Variants in PLA2G2E observed in about 807,000 individuals in gnomAD.
PLA2G2E encodes group IIE secretory phospholipase A2.
Under a neutral mutation model 16.5 loss-of-function variants are expected in PLA2G2E, and 14 were observed. That is an observed-to-expected ratio of 0.85 (90% confidence interval 0.56 to 1.33). The LOEUF is 1.33. Among genes scored for constraint, PLA2G2E ranks in the 40% most tolerant of loss-of-function variants. The probability of loss-of-function intolerance (pLI) is 0.00; values close to 1 mark genes in which losing one functional copy is unlikely to be tolerated. For missense variants in PLA2G2E, 174 were observed against 190.7 expected (o/e 0.91, Z 0.52); for synonymous variants, 72 against 77.2 (o/e 0.93, Z 0.36).
At position 19,920,618 on chromosome 1, in the gene PLA2G2E, G is replaced by C. The variant is rs2045807208; in HGVS notation, c.287-169C>G. Among the ~76,000 whole-genome samples, 1 of 152,148 alleles carries C rather than the reference G, an allele frequency of 6.6e-6. No individual in the cohort carries two copies. Among genetic ancestry groups the C allele is most frequent in the Admixed American group, 6.5e-5 (1 of 15,280 alleles). The stretch of plus-strand genomic sequence containing the variant: ...GTGAGACAAGAGACAAGGGCGGGGC[G>C]CACTGTGGCTCAGGACACCAGGGAA... On this transcript the variant is annotated intron_variant, in intron 3 of 3. Coordinates refer to ENST00000375116, the MANE Select transcript of PLA2G2E (RefSeq NM_014589.3). The surrounding 1 kb of genome is among the most constrained non-coding windows in gnomAD (Gnocchi z 4.3).
At position 19,922,525 on chromosome 1, in the gene PLA2G2E, GC is replaced by G. The variant is rs1473326978; in HGVS notation, c.179+91del. The G allele has an allele frequency of 2.6e-6, 4 of 1,557,600 alleles. No homozygotes were observed. In the African/African-American group the frequency reaches 4.1e-5, roughly 16 times the overall value. On this transcript the variant is annotated intron_variant, in intron 2 of 3. Coordinates refer to ENST00000375116, the MANE Select transcript of PLA2G2E (RefSeq NM_014589.3). Reference sequence around the variant, plus strand: ...AGAGATCAGCCTGAATTTTCCAGGTGCCCCCAGGCTTCCCTCCTTCTCCCAG... The same window carrying G: ...AGAGATCAGCCTGAATTTTCCAGGTGCCCCAGGCTTCCCTCCTTCTCCCAG...
rs777936322 is a variant in PLA2G2E, at chr1:19,920,327, C to T, written c.409G>A (p.Gly137Arg). The change falls in exon 4 of 4, where the codon GGG becomes AGG. Residue 137 changes from glycine (G) to arginine (R), a missense_variant. By Grantham distance (125) the Gly-to-Arg change is moderately radical. Coordinates refer to ENST00000375116, the MANE Select transcript of PLA2G2E (RefSeq NM_014589.3). This position sits in a 1 kb window ranked among gnomAD's most constrained non-coding sequence, Gnocchi z 4.3. ...TAGCCTCAGCAGGGCGGGGTGGGCCCGGTGCACAGCTTGTTGGGATAATGG... is the reference window on the plus strand; with the variant it reads ...TAGCCTCAGCAGGGCGGGGTGGGCCTGGTGCACAGCTTGTTGGGATAATGG... ...YAHYPNKLCT[G>R]PTPPC The T allele has an allele frequency of 2.5e-6, 4 of 1,612,582 alleles. No homozygotes were observed. The highest frequency in any genetic ancestry group is 2.7e-5 in the African/African-American group (2 of 74,878).
intron 3 of PLA2G2E, 125 bp downstream of exon 3, chr1:19,922,173 G>A: frequency 1.5e-6 from 1 of 657,912 alleles, no homozygotes; most frequent in South Asian, 1.9e-5. Flanking sequence ...GAAACCCCAT[G>A]CCTCCAGCCC....
rs182540805 is a variant in PLA2G2E, at chr1:19,920,014, G to A, written c.*293C>T. Reference sequence around the variant, plus strand: ...AGACTCAAAGAACATTAGAATTATGGGAAAACATTATTCACTTATTCAGAA... The same window carrying A: ...AGACTCAAAGAACATTAGAATTATGAGAAAACATTATTCACTTATTCAGAA... On this transcript the variant is annotated 3_prime_UTR_variant, in exon 4 of 4. Coordinates refer to ENST00000375116, the MANE Select transcript of PLA2G2E (RefSeq NM_014589.3). The surrounding 1 kb of genome is among the most constrained non-coding windows in gnomAD (Gnocchi z 4.3). 1.3e-5 allele frequency: 4 copies of A among 307,120 alleles called. No individual in the cohort carries two copies. The East Asian group carries it at 2.4e-4, about 19-fold the overall frequency. 19.0% of individuals were successfully genotyped at this position (307,120 alleles called of 1,614,324 possible).
At chr1:19,922,055 C>T (rs955492282) in intron 3 of PLA2G2E, among the ~76,000 whole-genome samples, 3 of 152,178 alleles carry the variant, frequency 2.0e-5, no homozygotes, top group Admixed American at 6.5e-5. Context: ...TGGGAGGTGT[C>T]TGTGGGTAGG....
At chr1:19,922,197 G>C (rs2045821588) in intron 3 of PLA2G2E, 101 bp downstream of exon 3, 3 of 780,120 alleles carry the variant, frequency 3.8e-6, no homozygotes, top group Non-Finnish European at 6.4e-6. Context: ...GTCTGGCTCT[G>C]ATAAGGCCCA....
rs752919581 is a variant in PLA2G2E at position 19,922,658 on chromosome 1, G to A, written c.138C>T (p.Cys46=). 1.5e-5 allele frequency: 24 copies of A among 1,614,028 alleles called. No individual in the cohort carries two copies. Among genetic ancestry groups the A allele is most frequent in the Middle Eastern group, 3.3e-4 (2 of 6,060 alleles). Residue 46 remains cysteine (C), a synonymous_variant, in exon 2 of 4, where the codon TGC becomes TGT. Transcript: ENST00000375116. ...CCGGCCAGTGGGAGCCACCGATGCC[G>A]CAGTAACAGCCATAGTCGTTGTACT... is the stretch of plus-strand genomic sequence containing the variant. The part of the protein sequence containing the change: ...ALQYNDYGCY[C]GIGGSHWPVD...
chr1:19,922,785 G>T (rs1557688774), intron 1 of PLA2G2E, 30 bp from the exon 2 acceptor site: 1 of 1,611,508 alleles, frequency 6.2e-7, no homozygotes, highest in East Asian at 2.2e-5. Flanking sequence ...GAGGGAGAGG[G>T]AGGGCCCCAC....
At position 19,920,317 on chromosome 1, in the gene PLA2G2E, G is replaced by T. The variant is rs141984318; in HGVS notation, c.419C>A (p.Pro140Gln). The change falls in exon 4 of 4, where the codon CCG becomes CAG. Residue 140 changes from proline (P) to glutamine (Q), a missense_variant. Pro to Gln is a moderately conservative substitution (Grantham distance 76). Transcript: ENST00000375116. This position sits in a 1 kb window ranked among gnomAD's most constrained non-coding sequence, Gnocchi z 4.3. ...YPNKLCTGPT[P>Q]PC ...AGGCCGAGCATAGCCTCAGCAGGGC[G>T]GGGTGGGCCCGGTGCACAGCTTGTT... 5.0e-6 allele frequency: 8 copies of T among 1,612,188 alleles called. No individual in the cohort carries two copies. The highest frequency in any genetic ancestry group is 5.9e-6 in the Non-Finnish European group (7 of 1,179,530).
chr1:19,922,326 GAA>G lies in PLA2G2E; in HGVS notation c.256_257del (p.Phe86LeufsTer23), dbSNP rs2045822720. On this transcript the variant is annotated frameshift_variant, in exon 3 of 4. Coordinates refer to ENST00000375116, the MANE Select transcript of PLA2G2E (RefSeq NM_014589.3). LOFTEE classifies it high-confidence loss of function. The stretch of plus-strand genomic sequence containing the variant: ...AGAAAATGCCACGTTCGCTGACAGA[GAA>G]AAGATACTTTTCCAGTTTGGGCTCA... The part of the protein sequence containing the change: ...GCEPKLEKYL[F>X]SVSERGIFCA... 6.2e-7 allele frequency: 1 copy of G among 1,613,932 alleles called. No homozygotes were observed. The highest frequency in any genetic ancestry group is 8.5e-7 in the Non-Finnish European group (1 of 1,179,908).
Position 19,920,386 on chromosome 1 carries a change from C to T in PLA2G2E, c.350G>A (p.Arg117His). 1.2e-6 allele frequency: 2 copies of T among 1,613,868 alleles called. No individual in the cohort carries two copies. Reference protein sequence around the residue: ...ECDKRAALCFRRNLGTYNRKY... With the variant: ...ECDKRAALCFHRNLGTYNRKY... ...GCGGTTGTAGGTGCCCAGGTTGCGG[C>T]GAAAGCAGAGGGCAGCCCTCTTGTC... Residue 117 changes from arginine to histidine, a missense_variant, in exon 4 of 4, where the codon CGC becomes CAC. By Grantham distance (29) the Arg-to-His change is conservative. Transcript: ENST00000375116. The surrounding 1 kb of genome is among the most constrained non-coding windows in gnomAD (Gnocchi z 4.3).
intron 3 of PLA2G2E, among the ~76,000 whole-genome samples, chr1:19,921,016 C>A (rs1305718841): frequency 2.0e-5 from 3 of 152,220 alleles, no homozygotes; most frequent in Non-Finnish European, 2.9e-5. Context: ...CAGACTTCTA[C>A]CCTGACCTGT....
Position 19,922,334 on chromosome 1 carries a change from A to G in PLA2G2E, c.250T>C (p.Tyr84His). 4 of 1,613,994 alleles carry G rather than the reference A, an allele frequency of 2.5e-6. No individual in the cohort carries two copies. Among genetic ancestry groups the G allele is most frequent in the Non-Finnish European group, 3.4e-6 (4 of 1,179,898 alleles). The change falls in exon 3 of 4, where the codon TAT (tyrosine) becomes CAT (histidine). Residue 84 changes from tyrosine (Y) to histidine (H), a missense_variant. Physicochemically the swap from Tyr to His is moderately conservative, Grantham distance 83. Transcript: ENST00000375116. Reference sequence around the variant, plus strand: ...CCACGTTCGCTGACAGAGAAAAGATACTTTTCCAGTTTGGGCTCACAGCCC... The same window carrying G: ...CCACGTTCGCTGACAGAGAAAAGATGCTTTTCCAGTTTGGGCTCACAGCCC... ...KLGCEPKLEK[Y>H]LFSVSERGIF... is the part of the protein sequence containing the mutation.
chr1:19,922,691 G>A lies in PLA2G2E; in HGVS notation c.105C>T (p.Ser35=), dbSNP rs749064942. ...GVMIEKMTGK[S]ALQYNDYGCY... ...AGCCATAGTCGTTGTACTGCAGGGC[G>A]GACTTGCCTGTCATCTTCTCGATCA... is the stretch of plus-strand genomic sequence containing the variant. The change falls in exon 2 of 4, where the codon TCC becomes TCT. Residue 35 remains serine, a synonymous_variant. Coordinates refer to ENST00000375116, the MANE Select transcript of PLA2G2E (RefSeq NM_014589.3). 5.6e-6 allele frequency: 9 copies of A among 1,613,908 alleles called. No homozygotes were observed. The South Asian group carries it at 6.6e-5, about 12-fold the overall frequency.
rs537397089 is a variant in PLA2G2E, at chr1:19,920,952, G to A, written c.287-503C>T. Reference sequence around the variant, plus strand: ...GGAGGCTGCTCAGGGCCCTCTGCCTGTCCTCATCAGAGTGGACAGAGCCCA... The same window carrying A: ...GGAGGCTGCTCAGGGCCCTCTGCCTATCCTCATCAGAGTGGACAGAGCCCA... On this transcript the variant is annotated intron_variant, in intron 3 of 3. Transcript: ENST00000375116. The surrounding 1 kb of genome is among the most constrained non-coding windows in gnomAD (Gnocchi z 4.3). 2.4e-4 allele frequency among the ~76,000 whole-genome samples: 36 copies of A among 152,340 alleles called. No individual in the cohort carries two copies. The highest frequency in any genetic ancestry group is 1.6e-3 in the Admixed American group (25 of 15,302).
Position 19,922,720 on chromosome 1 carries a change from C to A in PLA2G2E, c.76G>T (p.Val26Leu). The A allele has an allele frequency of 6.2e-7, 1 of 1,613,896 alleles. No individual in the cohort carries two copies. The highest frequency in any genetic ancestry group is 8.5e-7 in the Non-Finnish European group (1 of 1,179,988). Residue 26 changes from valine to leucine, a missense_variant, in exon 2 of 4, where the codon GTG becomes TTG. By Grantham distance (32) the Val-to-Leu change is conservative. Transcript: ENST00000375116. ...TTGCCTGTCATCTTCTCGATCATCA[C>A]CCCAAACTGAACCAGGTTCCCGGTG... The part of the protein sequence containing the change: ...LVTGNLVQFG[V>L]MIEKMTGKSA...
At position 19,922,617 on chromosome 1, in the gene PLA2G2E, C is replaced by T; in HGVS notation, c.179G>A (p.Trp60Ter). The T allele has an allele frequency of 6.2e-7, 1 of 1,613,908 alleles. No homozygotes were observed. Among genetic ancestry groups the T allele is most frequent in the Non-Finnish European group, 8.5e-7 (1 of 1,179,934 alleles). The change falls in exon 2 of 4, where the codon TGG becomes TAG. Residue 60 changes from tryptophan to a stop codon, truncating the protein, a stop_gained and splice_region_variant. Coordinates refer to ENST00000375116, the MANE Select transcript of PLA2G2E (RefSeq NM_014589.3). LOFTEE classifies it high-confidence loss of function. ...GTCCCCCTGCAGGCTGCTTCCTCAC[C>T]AGTCAGTCTGGTCCACCGGCCAGTG... ...GSHWPVDQTD[W>*]CCHAHDCCYG... is the part of the protein sequence containing the mutation.
intron 3 of PLA2G2E, among the ~76,000 whole-genome samples, chr1:19,921,168 G>A (rs894573998): frequency 5.9e-5 from 9 of 152,234 alleles, no homozygotes; most frequent in African/African-American, 1.9e-4. Context: ...GCTCAGGCCA[G>A]GTGCCTCATT....
At chr1:19,922,192 G>C in intron 3 of PLA2G2E, 106 bp downstream of exon 3, 1 of 735,586 alleles carries the variant, frequency 1.4e-6, no homozygotes, top group Admixed American at 2.6e-5. Flanking sequence ...CCAGGGTCTG[G>C]CTCTGATAAG....
Sources: gnomAD v4.1 joint callset for allele counts (sites outside exome capture counted in the v4.1 genomes callset) on GRCh38, gnomAD v4.1.1 for gene constraint, Gnocchi (gnomAD v3.1) non-coding constraint, MANE v1.5 for transcripts, NCBI Gene and HGNC (gene_info 2026-07-23, HGNC 2026-07-21) for gene names.